ADAMTS17: variants seen among roughly 807,000 people sequenced by gnomAD.
ADAMTS17 encodes ADAM metallopeptidase with thrombospondin type 1 motif 17, also known as A disintegrin and metalloproteinase with thrombospondin motifs 17.
Under a neutral mutation model 141.5 loss-of-function variants are expected in ADAMTS17, and 113 were observed. That is an observed-to-expected ratio of 0.80 (90% CI 0.69 to 0.93). The LOEUF is 0.93. Among genes scored for constraint, ADAMTS17 ranks in the 40% least tolerant of loss-of-function variants. The pLI is 0.00. For synonymous variants in ADAMTS17, 768 were observed against 630.6 expected (o/e 1.22, Z -3.27); for missense variants, 1,659 against 1,517.9 (o/e 1.09, Z -1.54).
Position 100,260,947 on chromosome 15 carries a change from T to C in ADAMTS17, c.1031+532A>G, listed in dbSNP as rs551437289. Among the ~76,000 whole-genome samples, 20 of 152,300 alleles carry C rather than the reference T, an allele frequency of 1.3e-4. No individual in the cohort carries two copies. In the South Asian group the frequency reaches 3.1e-3, roughly 24 times the overall value. ...CATGTAACACATTTTGTTTAAGTTA[T>C]TAAAGTAAAGCAACCAAAGAAAAAT... On this transcript the variant is annotated intron_variant, in intron 6 of 21. Transcript: ENST00000268070.
chr15:100,130,552 G>A (rs1051694946), intron 12 of ADAMTS17, among the ~76,000 whole-genome samples: 8 of 152,232 alleles, frequency 5.3e-5, no homozygotes, highest in Middle Eastern at 3.4e-3. Flanking sequence ...TTAATCCAGA[G>A]GTTCCAACAT....
chr15:100,323,459 C>T (rs1382615240), intron 3 of ADAMTS17, among the ~76,000 whole-genome samples: 1 of 152,136 alleles, frequency 6.6e-6, no homozygotes, highest in Non-Finnish European at 1.5e-5. Context: ...AGAAATATTA[C>T]ATATGAAAAT....
chr15:100,051,435 T>C, intron 17 of ADAMTS17, 137 bp downstream of exon 17: 1 of 1,280,286 alleles, frequency 7.8e-7, no homozygotes, highest in Non-Finnish European at 1.1e-6. Context: ...GCAGAGAGAT[T>C]TTCGGTGGGA....
intron 10 of ADAMTS17, among the ~76,000 whole-genome samples, chr15:100,135,801 T>A (rs1291295883): frequency 2.0e-5 from 3 of 152,202 alleles, no homozygotes; most frequent in African/African-American, 7.2e-5. Flanking sequence ...AATGTTTAAA[T>A]GGCTAGTAAA....
intron 7 of ADAMTS17, among the ~76,000 whole-genome samples, chr15:100,204,894 C>A (rs371963372): frequency 1.4e-3 from 216 of 152,330 alleles, no homozygotes; most frequent in African/African-American, 5.0e-3. Flanking sequence ...TCTAAGGAAG[C>A]CTTCCAGACT....
intron 7 of ADAMTS17, among the ~76,000 whole-genome samples, chr15:100,238,421 A>G (rs1256355930): frequency 6.6e-6 from 1 of 152,208 alleles, no homozygotes; most frequent in African/African-American, 2.4e-5. Context: ...GAGTGTCCCC[A>G]GGGCTGGAGC....
chr15:100,110,020 T>A (rs1189404975), intron 13 of ADAMTS17, among the ~76,000 whole-genome samples: 1 of 151,896 alleles, frequency 6.6e-6, no homozygotes, highest in Non-Finnish European at 1.5e-5. Flanking sequence ...GCAGGTCCCA[T>A]CGCTAAAAGA....
intron 15 of ADAMTS17, among the ~76,000 whole-genome samples, chr15:100,078,700 A>G (rs1400907269): frequency 3.3e-5 from 5 of 152,200 alleles, no homozygotes; most frequent in South Asian, 2.1e-4. Flanking sequence ...ACACGCAACA[A>G]AAGAAAAAAT....
intron 7 of ADAMTS17, among the ~76,000 whole-genome samples, chr15:100,214,059 T>C (rs1054140356): frequency 4.0e-5 from 6 of 151,718 alleles, no homozygotes; most frequent in South Asian, 2.1e-4. Flanking sequence ...TTTTTGTTTT[T>C]TGTTTGTTTG....
Position 100,057,770 on chromosome 15 carries a change from T to C in ADAMTS17, c.2138-3716A>G, listed in dbSNP as rs533534052. ...TCTTCCCACAGGGTTTCCCAGAGAC[T>C]GGATGTGAGCCTGGATCTACCAGCC... On this transcript the variant is annotated intron_variant, in intron 15 of 21. Transcript: ENST00000268070. Among the ~76,000 whole-genome samples the C allele has an allele frequency of 1.5e-4, 23 of 152,240 alleles. No individual in the cohort carries two copies. In the South Asian group the frequency reaches 4.8e-3, roughly 32 times the overall value.
intron 13 of ADAMTS17, 144 bp from the exon 14 acceptor site, chr15:100,109,260 C>CCAGCTCCTCTAAACACGTGGCA (rs142688382): frequency 1.7e-5 from 20 of 1,165,234 alleles, no homozygotes; most frequent in Admixed American, 1.6e-4. Context: ...GGTACGCGCT[C>CCAGCTCCTCTAAACACGTGGCA]CAGGAAGCGG....
chr15:99,978,087 T>A (rs546653766), intron 20 of ADAMTS17, among the ~76,000 whole-genome samples: 7 of 152,282 alleles, frequency 4.6e-5, no homozygotes, highest in South Asian at 4.1e-4. Context: ...GCCCCGCAGA[T>A]CCTGTGCTTC....
At chr15:100,104,077 G>A (rs1300164527) in intron 14 of ADAMTS17, among the ~76,000 whole-genome samples, 1 of 152,208 alleles carries the variant, frequency 6.6e-6, no homozygotes, top group Non-Finnish European at 1.5e-5. Flanking sequence ...CTACAGGTGT[G>A]CACAAACCAG....
intron 10 of ADAMTS17, among the ~76,000 whole-genome samples, chr15:100,148,317 C>T (rs545360559): frequency 1.1e-4 from 17 of 152,286 alleles, no homozygotes; most frequent in Admixed American, 4.6e-4. Flanking sequence ...TATTTGCCCA[C>T]GAAATTACTA....
intron 3 of ADAMTS17, among the ~76,000 whole-genome samples, chr15:100,289,751 A>G (rs1181000609): frequency 6.6e-6 from 1 of 152,192 alleles, no homozygotes; most frequent in African/African-American, 2.4e-5. Context: ...ATAAACAGAA[A>G]TAAAACCCAA....
chr15:100,127,592 T>G (rs554747234), intron 12 of ADAMTS17, among the ~76,000 whole-genome samples: 20 of 152,280 alleles, frequency 1.3e-4, no homozygotes, highest in Middle Eastern at 3.4e-3. Flanking sequence ...GTTTGTTTGT[T>G]TTGTTTTGAG....
At chr15:100,016,284 T>C (rs2061287384) in intron 18 of ADAMTS17, among the ~76,000 whole-genome samples, 1 of 152,236 alleles carries the variant, frequency 6.6e-6, no homozygotes, top group African/African-American at 2.4e-5. Context: ...GTTTTTTGGA[T>C]TTCCTTGCAG....
intron 12 of ADAMTS17, among the ~76,000 whole-genome samples, chr15:100,117,643 C>G (rs1215648048): frequency 1.3e-5 from 2 of 152,062 alleles, no homozygotes; most frequent in African/African-American, 4.8e-5. Flanking sequence ...TTAAGCCATT[C>G]CGGAGTTCCA....
At chr15:100,298,934 G>C (rs1185676645) in intron 3 of ADAMTS17, among the ~76,000 whole-genome samples, 2 of 152,112 alleles carry the variant, frequency 1.3e-5, no homozygotes, top group African/African-American at 4.8e-5. Context: ...TTCTTCAGAG[G>C]GCCACGAGGG....
Sources: allele counts gnomAD v4.1 joint callset (sites outside exome capture counted in the v4.1 genomes callset), GRCh38; gene constraint gnomAD v4.1.1; transcripts MANE v1.5; gene names NCBI Gene and HGNC (gene_info 2026-07-23, HGNC 2026-07-21).